SLC22A25: variants seen among roughly 807,000 people sequenced by gnomAD.
SLC22A25 encodes MGI:2442751, MGI:2385316, MGI:3042283, MGI:3645714, MGI:3605624, MGI:2442750.
Under a neutral mutation model 45.9 loss-of-function variants are expected in SLC22A25, and 44 were observed. The observed-to-expected ratio is 0.96, with a 90% confidence interval of 0.75 to 1.23. SLC22A25 has a LOEUF of 1.23. SLC22A25 is among the 50% of genes most tolerant of loss of function. The pLI is 0.00. For missense variants in SLC22A25, 800 were observed against 666.4 expected, an observed-to-expected ratio of 1.20 and a Z score of -2.21; for synonymous variants, 283 against 238.6, an observed-to-expected ratio of 1.19 and a Z score of -1.72.
At chr11:63,235,923 G>T (rs1379557830) in intron 3 of SLC22A25, among the ~76,000 whole-genome samples, 2 of 152,226 alleles carry the variant, frequency 1.3e-5, no homozygotes, top group Admixed American at 6.5e-5. Context: ...GAGCCTGTTT[G>T]CCTGGGTATC....
chr11:63,167,939 C>T, intron 9 of SLC22A25: 1 of 405,560 alleles, frequency 2.5e-6, no homozygotes, highest in Non-Finnish European at 4.9e-6. Context: ...CAGGCAGGTG[C>T]TCCTCTAAAA....
chr11:63,217,351 T>C lies in SLC22A25; in HGVS notation c.793A>G (p.Met265Val). ...IRDQCILQLVMSAPCFVFFLF... is the reference protein window; with the variant it reads ...IRDQCILQLVVSAPCFVFFLF... ...AAGAAGACAAAGCATGGTGCAGACA[T>C]CACCAACTGGAGGATGCACTGGTCT... The change falls in exon 7 of 12, where the codon ATG becomes GTG. Residue 265 changes from methionine to valine, a missense_variant. Coordinates refer to ENST00000306494, the MANE Select transcript of SLC22A25 (RefSeq NM_199352.6). The C allele has an allele frequency of 6.2e-7, 1 of 1,613,968 alleles. No individual in the cohort carries two copies. The highest frequency in any genetic ancestry group is 8.5e-7 in the Non-Finnish European group (1 of 1,180,000).
rs1003857374 is a variant in SLC22A25, at chr11:63,229,740, C to T, written c.-88G>A. 2.6e-5 allele frequency: 35 copies of T among 1,363,730 alleles called. No individual in the cohort carries two copies. Among genetic ancestry groups the T allele is most frequent in the Non-Finnish European group, 3.3e-5 (33 of 1,007,046 alleles). The allele number at this position is 1,363,730 out of a possible 1,614,324, so 84.5% of individuals were successfully genotyped here. ...GAAAATATTTCCTTTCCTTAAATCA[C>T]ACTAAGTGTGTGTGTTGATCCTGAC... On this transcript the variant is annotated 5_prime_UTR_variant, in exon 4 of 12. It adds an upstream start codon to the 5' untranslated region. Transcript: ENST00000306494.
At position 63,163,671 on chromosome 11, in the gene SLC22A25, G is replaced by A. The variant is rs1403130749; in HGVS notation, c.*153C>T. ...CAGGCTGGGCAGAGATGGTCTGTGT[G>A]ATCTAGTGAGGCTCAGGGGATGTAT... On this transcript the variant is annotated 3_prime_UTR_variant, in exon 12 of 12. Transcript: ENST00000306494. 8.8e-7 allele frequency: 1 copy of A among 1,134,914 alleles called. No individual in the cohort carries two copies. Among genetic ancestry groups the A allele is most frequent in the East Asian group, 2.4e-5 (1 of 41,098 alleles). 70.3% of individuals were successfully genotyped at this position (1,134,914 alleles called of 1,614,324 possible). A position where few individuals can be genotyped will look rare whatever the true frequency, so the allele number is the denominator to read the frequency against.
At chr11:63,169,840 C>T (rs1269730414) in intron 9 of SLC22A25, among the ~76,000 whole-genome samples, 1 of 152,178 alleles carries the variant, frequency 6.6e-6, no homozygotes, top group African/African-American at 2.4e-5. Flanking sequence ...GAACTCTCTA[C>T]CCCAAATCAA....
chr11:63,208,449 G>A (rs2089467356), intron 7 of SLC22A25, among the ~76,000 whole-genome samples: 2 of 152,186 alleles, frequency 1.3e-5, no homozygotes, highest in Admixed American at 6.5e-5. Flanking sequence ...CAAAGTGAAA[G>A]TGGTTCATTG....
At chr11:63,189,813 TG>T (rs2088724839) in intron 7 of SLC22A25, among the ~76,000 whole-genome samples, 1 of 152,212 alleles carries the variant, frequency 6.6e-6, no homozygotes, top group Non-Finnish European at 1.5e-5. Context: ...AAGCTTAGTT[TG>T]GCTGGATATG....
At chr11:63,211,950 T>C (rs58347848) in intron 7 of SLC22A25, among the ~76,000 whole-genome samples, 55,626 of 150,918 alleles carry the variant, frequency 0.37, 10,301 homozygotes, top group East Asian at 0.56. Context: ...GAATCTACAA[T>C]GAACTCAAAC....
At chr11:63,214,128 T>C (rs188793168) in intron 7 of SLC22A25, among the ~76,000 whole-genome samples, 1 of 152,290 alleles carries the variant, frequency 6.6e-6, no homozygotes, top group Non-Finnish European at 1.5e-5. Context: ...TGGAGGATGG[T>C]TCTTAGCTTT....
chr11:63,200,654 C>A (rs10897390), intron 7 of SLC22A25, among the ~76,000 whole-genome samples: 51,386 of 151,806 alleles, frequency 0.34, 9,101 homozygotes, highest in East Asian at 0.56. Context: ...GAATTCCTGG[C>A]CAGGGCAATC....
chr11:63,185,589 T>A (rs1359130761), intron 7 of SLC22A25, among the ~76,000 whole-genome samples: 2 of 148,970 alleles, frequency 1.3e-5, no homozygotes, highest in Admixed American at 1.3e-4. Flanking sequence ...CATGTGCACA[T>A]TGTGCAGGTT....
Position 63,229,793 on chromosome 11 carries a change from TC to T in SLC22A25, c.-142del. 2.4e-6 allele frequency: 2 copies of T among 837,654 alleles called. No homozygotes were observed. Among genetic ancestry groups the T allele is most frequent in the Non-Finnish European group, 1.7e-6 (1 of 578,706 alleles). The allele number at this position is 837,654 out of a possible 1,614,324, so 51.9% of individuals were successfully genotyped here. ...CACTCTCTTCTTAATGGGCCCTCTCTCCCATCTGCAGCAGGGTCACGGAAGC... is the reference window on the plus strand; with the variant it reads ...CACTCTCTTCTTAATGGGCCCTCTCTCCATCTGCAGCAGGGTCACGGAAGC... On this transcript the variant is annotated 5_prime_UTR_variant, in exon 4 of 12. An upstream open reading frame in the 5' UTR loses its in-frame stop. Transcript: ENST00000306494.
rs1453062616 is a variant in SLC22A25, at chr11:63,163,478, C to T, written c.*346G>A. On this transcript the variant is annotated 3_prime_UTR_variant, in exon 12 of 12. Coordinates refer to ENST00000306494, the MANE Select transcript of SLC22A25 (RefSeq NM_199352.6). ...GCCTGTAAGCACTGGCAATCCCAGA[C>T]AGCTAACAGGTACACTCACTGGGCT... 6.6e-6 allele frequency among the ~76,000 whole-genome samples: 1 copy of T among 152,166 alleles called. No individual in the cohort carries two copies. The highest frequency in any genetic ancestry group is 1.9e-4 in the East Asian group (1 of 5,194).
intron 3 of SLC22A25, among the ~76,000 whole-genome samples, chr11:63,230,463 T>C (rs1160690127): frequency 6.6e-6 from 1 of 152,180 alleles, no homozygotes; most frequent in Non-Finnish European, 1.5e-5. Context: ...GTGAGTAAGA[T>C]AGAGTACATA....
At chr11:63,224,390 A>G (rs754950246) in intron 5 of SLC22A25, among the ~76,000 whole-genome samples, 1 of 151,896 alleles carries the variant, frequency 6.6e-6, no homozygotes, top group Non-Finnish European at 1.5e-5. Context: ...CAGTCTCTCT[A>G]TGTCTTTTGA....
intron 7 of SLC22A25, among the ~76,000 whole-genome samples, chr11:63,204,697 C>T (rs1410189053): frequency 6.6e-6 from 1 of 152,174 alleles, no homozygotes; most frequent in Non-Finnish European, 1.5e-5. Context: ...CTTAGACTCC[C>T]ACACTATAAT....
rs115661381 is a variant in SLC22A25 at position 63,223,181 on chromosome 11, G to T, written c.506+5280C>A. 8.2e-3 allele frequency among the ~76,000 whole-genome samples: 1,243 copies of T among 151,930 alleles called. 14 individuals are homozygous for T. Among genetic ancestry groups the T allele is most frequent in the African/African-American group, 0.027 (1,129 of 41,484 alleles). On this transcript the variant is annotated intron_variant, in intron 5 of 11. Transcript: ENST00000306494. The stretch of plus-strand genomic sequence containing the variant: ...ATATTTCCTCTGTTTCTATTTTTTG[G>T]AATAGTTTGATTGGGATTCGTATGA...
At chr11:63,230,219 A>G (rs185207254) in intron 3 of SLC22A25, among the ~76,000 whole-genome samples, 123 bp from the exon 4 acceptor site, 1 of 152,312 alleles carries the variant, frequency 6.6e-6, no homozygotes, top group African/African-American at 2.4e-5. Flanking sequence ...CATTTTGTTG[A>G]CTGATGTTCT....
rs542638826 is a variant in SLC22A25 at position 63,160,009 on chromosome 11, A to G, written c.*3815T>C. On this transcript the variant is annotated 3_prime_UTR_variant, in exon 12 of 12. Transcript: ENST00000306494. The stretch of plus-strand genomic sequence containing the variant: ...ATTTTTAAGCAGCAAAGCATTCAAG[A>G]TGTGACGGGTGCTGTTAAAAGCAGT... Among the ~76,000 whole-genome samples, 2 of 152,308 alleles carry G rather than the reference A, an allele frequency of 1.3e-5. No individual in the cohort carries two copies. The highest frequency in any genetic ancestry group is 4.1e-4 in the South Asian group (2 of 4,824).
Sources: gnomAD v4.1 joint callset for allele counts (sites outside exome capture counted in the v4.1 genomes callset) on GRCh38, gnomAD v4.1.1 for gene constraint, MANE v1.5 for transcripts, NCBI Gene and HGNC (gene_info 2026-07-23, HGNC 2026-07-21) for gene names.